TBC1D10B: variants seen among roughly 807,000 people sequenced by gnomAD.
TBC1D10B encodes TBC1 domain family member 10B, also known as Rab27A-GAPbeta.
Under a neutral mutation model 78.4 loss-of-function variants are expected in TBC1D10B, and 25 were observed. The observed-to-expected ratio is 0.32, with a 90% CI of 0.23 to 0.45. The LOEUF is 0.45. TBC1D10B is among the 20% of genes least tolerant of loss of function. TBC1D10B has a pLI of 1.00. For missense variants in TBC1D10B, 996 were observed against 1,104.8 expected, an observed-to-expected ratio of 0.90 and a Z score of 1.40; for synonymous variants, 517 against 478.0, an observed-to-expected ratio of 1.08 and a Z score of -1.06.
chr16:30,360,753 C>T (rs115706551), intron 4 of TBC1D10B, among the ~76,000 whole-genome samples: 3,154 of 152,214 alleles, frequency 0.021, 124 homozygotes, highest in African/African-American at 0.072. Context: ...CTTCCACAAG[C>T]ACCCACACCC....
intron 4 of TBC1D10B, 135 bp from the exon 5 acceptor site, chr16:30,359,976 G>T: frequency 1.2e-6 from 1 of 816,444 alleles, no homozygotes; most frequent in Non-Finnish European, 1.9e-6. Context: ...GCGAGCTTCA[G>T]CTAAAGGCTC....
Position 30,369,371 on chromosome 16 carries a change from G to C in TBC1D10B, c.813C>G (p.Asp271Glu). Reference sequence around the variant, plus strand: ...AGGTCCCAGACATGAGGCTCACGGAGTCCAAGTAACTCAGCGTGTCCGGGG... The same window carrying C: ...AGGTCCCAGACATGAGGCTCACGGACTCCAAGTAACTCAGCGTGTCCGGGG... The part of the protein sequence containing the change: ...GQAPDTLSYL[D>E]SVSLMSGTLE... Residue 271 changes from aspartate (D) to glutamate (E), a missense_variant, in exon 1 of 9, where the codon GAC (aspartate) becomes GAG (glutamate). Physicochemically the swap from Asp to Glu is conservative, Grantham distance 45. This residue lies in a region of TBC1D10B where 448 missense variants were observed against 442.1 expected (regional missense o/e 1.01). Coordinates refer to ENST00000409939, the MANE Select transcript of TBC1D10B (RefSeq NM_015527.4). This position sits in a 1 kb window ranked among gnomAD's most constrained non-coding sequence, Gnocchi z 4.3. 5.0e-6 allele frequency: 8 copies of C among 1,595,826 alleles called. No homozygotes were observed. The highest frequency in any genetic ancestry group is 6.8e-6 in the Non-Finnish European group (8 of 1,171,346).
At position 30,358,713 on chromosome 16, in the gene TBC1D10B, G is replaced by A. The variant is rs1207325797; in HGVS notation, c.1747C>T (p.Leu583=). 2 of 1,610,904 alleles carry A rather than the reference G, an allele frequency of 1.2e-6. No homozygotes were observed. Among genetic ancestry groups the A allele is most frequent in the Admixed American group, 1.7e-5 (1 of 59,622 alleles). ...ATGCACTGCTGGGGCAGGTTACGCAGCTGCTCCATGGTCTCATACATGCCT... is the reference window on the plus strand; with the variant it reads ...ATGCACTGCTGGGGCAGGTTACGCAACTGCTCCATGGTCTCATACATGCCT... ...CQGMYETMEQ[L]RNLPQQCMQE... Residue 583 remains leucine, a synonymous_variant, in exon 8 of 9, where the codon CTG becomes TTG. Transcript: ENST00000409939.
intron 4 of TBC1D10B, among the ~76,000 whole-genome samples, chr16:30,361,852 AT>A (rs747426947): frequency 8.1e-4 from 107 of 132,434 alleles, no homozygotes; most frequent in Admixed American, 8.9e-4. Context: ...CACCAAGCTA[AT>A]TTTTTTTTTT....
In TBC1D10B at chr16:30,365,401, G is replaced by A. The variant is rs2049628810; in HGVS notation, c.1056+94C>T. The A allele has an allele frequency of 2.1e-6, 3 of 1,460,084 alleles. No individual in the cohort carries two copies. The Admixed American group carries it at 5.0e-5, about 24-fold the overall frequency. 90.4% of individuals were successfully genotyped at this position (1,460,084 alleles called of 1,614,324 possible). On this transcript the variant is annotated intron_variant, in intron 2 of 8. Transcript: ENST00000409939. This position sits in a 1 kb window ranked among gnomAD's most constrained non-coding sequence, Gnocchi z 5.0. The stretch of plus-strand genomic sequence containing the variant: ...GCCCATCTATCCCCAGTGTGGTCCA[G>A]AGGGCAGATATTATCGGCTTCCTGG...
In TBC1D10B at chr16:30,365,448, C is replaced by A. The variant is rs1351641206; in HGVS notation, c.1056+47G>T. Reference sequence around the variant, plus strand: ...CTGGGCTTCCCTGGAGCACATGCTACCCCTCCCAACTTGTGCATTGCCCTG... The same window carrying A: ...CTGGGCTTCCCTGGAGCACATGCTAACCCTCCCAACTTGTGCATTGCCCTG... On this transcript the variant is annotated intron_variant, in intron 2 of 8. Transcript: ENST00000409939. This position sits in a 1 kb window ranked among gnomAD's most constrained non-coding sequence, Gnocchi z 5.0. 1.3e-6 allele frequency: 2 copies of A among 1,599,260 alleles called. No homozygotes were observed. Among genetic ancestry groups the A allele is most frequent in the South Asian group, 1.1e-5 (1 of 90,706 alleles).
In TBC1D10B at chr16:30,358,475, G is replaced by C; in HGVS notation, c.1896C>G (p.Pro632=). Residue 632 remains proline, a synonymous_variant, in exon 9 of 9, where the codon CCC becomes CCG. Coordinates refer to ENST00000409939, the MANE Select transcript of TBC1D10B (RefSeq NM_015527.4). The part of the protein sequence containing the change: ...RETRGELQYR[P]SRRLHGSRAI... Reference sequence around the variant, plus strand: ...CCCGGGACCCATGCAGTCGCCGTGAGGGCCGATACTGCAGCTCCCCCCGCG... The same window carrying C: ...CCCGGGACCCATGCAGTCGCCGTGACGGCCGATACTGCAGCTCCCCCCGCG... The C allele has an allele frequency of 6.3e-7, 1 of 1,597,272 alleles. No homozygotes were observed. Among genetic ancestry groups the C allele is most frequent in the Non-Finnish European group, 8.5e-7 (1 of 1,172,298 alleles).
chr16:30,360,823 C>CT (rs1354591726), intron 4 of TBC1D10B, among the ~76,000 whole-genome samples: 1 of 152,104 alleles, frequency 6.6e-6, no homozygotes, highest in Non-Finnish European at 1.5e-5. Context: ...GGTGAAGAGT[C>CT]TGTGATCCTG....
rs146583194 is a variant in TBC1D10B at position 30,358,479 on chromosome 16, C to T, written c.1892G>A (p.Arg631Gln). Reference protein sequence around the residue: ...WRETRGELQYRPSRRLHGSRA... With the variant: ...WRETRGELQYQPSRRLHGSRA... ...GGACCCATGCAGTCGCCGTGAGGGC[C>T]GATACTGCAGCTCCCCCCGCGTTTC... Residue 631 changes from arginine (R) to glutamine (Q), a missense_variant, in exon 9 of 9, where the codon CGG becomes CAG. Physicochemically the swap from Arg to Gln is conservative, Grantham distance 43. Around this residue, in one of 5 missense-constraint regions of TBC1D10B, gnomAD observed 285 missense variants for 252.5 expected, o/e 1.13. Transcript: ENST00000409939. 4.6e-5 allele frequency: 73 copies of T among 1,597,634 alleles called. No homozygotes were observed. Among genetic ancestry groups the T allele is most frequent in the African/African-American group, 4.0e-4 (30 of 74,562 alleles).
Position 30,358,013 on chromosome 16 carries a change from A to G in TBC1D10B, c.2358T>C (p.Asp786=). The G allele has an allele frequency of 6.4e-7, 1 of 1,551,796 alleles. No homozygotes were observed. ...CACCATCATGGGGGCCTGGGGGCCC[A>G]TCTGCCTTTCGACGCAGCGAAAGCT... is the stretch of plus-strand genomic sequence containing the variant. ...GRKLSLRRKA[D]GPPGPHDGGD... The change falls in exon 9 of 9, where the codon GAT becomes GAC. Residue 786 remains aspartate (D), a synonymous_variant. Transcript: ENST00000409939.
At chr16:30,368,144 C>T (rs1319937194) in intron 1 of TBC1D10B, 1 of 152,136 alleles carries the variant, frequency 6.6e-6, no homozygotes, top group Non-Finnish European at 1.5e-5. Flanking sequence ...ATGTTGGTAC[C>T]CAATCAAAGG....
rs569603479 is a variant in TBC1D10B at position 30,369,678 on chromosome 16, G to A, written c.506C>T (p.Pro169Leu). ...RTAPGALTAK[P>L]PLAPKPGTTV... is the part of the protein sequence containing the mutation. ...GGTTCCCGGCTTGGGGGCAAGCGGG[G>A]GTTTGGCGGTCAGGGCACCAGGAGC... The change falls in exon 1 of 9, where the codon CCC becomes CTC. Residue 169 changes from proline to leucine, a missense_variant. Physicochemically the swap from Pro to Leu is moderately conservative, Grantham distance 98. Transcript: ENST00000409939. This position sits in a 1 kb window ranked among gnomAD's most constrained non-coding sequence, Gnocchi z 4.3. 4.2e-5 allele frequency: 65 copies of A among 1,530,758 alleles called. No homozygotes were observed. In the South Asian group the frequency reaches 7.6e-4, roughly 18 times the overall value. The allele number at this position is 1,530,758 out of a possible 1,614,324, so 94.8% of individuals were successfully genotyped here. A position where few individuals can be genotyped will look rare whatever the true frequency, so the allele number is the denominator to read the frequency against.
At chr16:30,358,895 GC>G in intron 7 of TBC1D10B, 78 bp from the exon 8 acceptor site, 3 of 1,476,070 alleles carry the variant, frequency 2.0e-6, no homozygotes, top group Non-Finnish European at 2.7e-6. Context: ...TAGACTCACA[GC>G]CCCCATCCCC....
Position 30,369,127 on chromosome 16 carries a change from C to T in TBC1D10B, c.956+101G>A. 7.9e-7 allele frequency: 1 copy of T among 1,258,044 alleles called. No individual in the cohort carries two copies. Among genetic ancestry groups the T allele is most frequent in the East Asian group, 2.6e-5 (1 of 39,188 alleles). The allele number at this position is 1,258,044 out of a possible 1,614,324, so 77.9% of individuals were successfully genotyped here. A position where few individuals can be genotyped will look rare whatever the true frequency, so the allele number is the denominator to read the frequency against. Reference sequence around the variant, plus strand: ...TCACCCCGTGGATCCTCAGAGGAGGCTGGGCTGCCAGAGTCTGGGCAAAGT... The same window carrying T: ...TCACCCCGTGGATCCTCAGAGGAGGTTGGGCTGCCAGAGTCTGGGCAAAGT... On this transcript the variant is annotated intron_variant, in intron 1 of 8. Transcript: ENST00000409939. The surrounding 1 kb of genome is among the most constrained non-coding windows in gnomAD (Gnocchi z 4.3).
rs774154589 is a variant in TBC1D10B, at chr16:30,359,611, G to T, written c.1387-8C>A. 1.3e-5 allele frequency: 20 copies of T among 1,559,576 alleles called. No homozygotes were observed. In the African/African-American group the frequency reaches 2.5e-4, roughly 19 times the overall value. ...CAGGCACCAAAAGGCTTGCTGAGAA[G>T]AGCAAGAACAAGGAGGAGGGGTGGG... is the stretch of plus-strand genomic sequence containing the variant. On this transcript the variant is annotated splice_polypyrimidine_tract_variant and splice_region_variant and intron_variant, in intron 5 of 8. Transcript: ENST00000409939.
rs1219489791 is a variant in TBC1D10B at position 30,369,702 on chromosome 16, G to A, written c.482C>T (p.Ala161Val). The change falls in exon 1 of 9, where the codon GCT becomes GTT. Residue 161 changes from alanine (A) to valine (V), a missense_variant. By Grantham distance (64) the Ala-to-Val change is moderately conservative. Around this residue, in one of 5 missense-constraint regions of TBC1D10B, gnomAD observed 448 missense variants for 442.1 expected, o/e 1.01. Coordinates refer to ENST00000409939, the MANE Select transcript of TBC1D10B (RefSeq NM_015527.4). This position sits in a 1 kb window ranked among gnomAD's most constrained non-coding sequence, Gnocchi z 4.3. ...GGGTTTGGCGGTCAGGGCACCAGGA[G>A]CCGTTCTGGAAGGGGTCCTGGTAGG... The part of the protein sequence containing the change: ...GTPTRTPSRT[A>V]PGALTAKPPL... 6 of 1,516,022 alleles carry A rather than the reference G, an allele frequency of 4.0e-6. No homozygotes were observed. The highest frequency in any genetic ancestry group is 5.3e-6 in the Non-Finnish European group (6 of 1,129,616). 93.9% of individuals were successfully genotyped at this position (1,516,022 alleles called of 1,614,324 possible). A position where few individuals can be genotyped will look rare whatever the true frequency, so the allele number is the denominator to read the frequency against.
At chr16:30,361,053 G>A (rs1232113286) in intron 4 of TBC1D10B, among the ~76,000 whole-genome samples, 1 of 152,190 alleles carries the variant, frequency 6.6e-6, no homozygotes, top group Non-Finnish European at 1.5e-5. Context: ...GGGAGGCCAA[G>A]GTGGGTGGAT....
intron 4 of TBC1D10B, among the ~76,000 whole-genome samples, chr16:30,364,012 G>T (rs1272935010): frequency 6.6e-6 from 1 of 151,716 alleles, no homozygotes; most frequent in Admixed American, 6.6e-5. Context: ...AGCTACTTGG[G>T]AGACTGAGGC....
chr16:30,357,918 C>G lies in TBC1D10B; in HGVS notation c.*26G>C. 6.5e-7 allele frequency: 1 copy of G among 1,537,802 alleles called. No individual in the cohort carries two copies. Among genetic ancestry groups the G allele is most frequent in the African/African-American group, 1.4e-5 (1 of 72,784 alleles). On this transcript the variant is annotated 3_prime_UTR_variant, in exon 9 of 9. Transcript: ENST00000409939. ...TCTTGGCTGAGGGAAAGAGGGGGGCCATGCAGTCCAGCCCCAGGGCAGAGG... is the reference window on the plus strand; with the variant it reads ...TCTTGGCTGAGGGAAAGAGGGGGGCGATGCAGTCCAGCCCCAGGGCAGAGG...
Sources: gnomAD v4.1 joint callset for allele counts (sites outside exome capture counted in the v4.1 genomes callset) on GRCh38, gnomAD v4.1.1 for gene constraint, gnomAD v4.1.1 regional missense constraint, Gnocchi (gnomAD v3.1) non-coding constraint, MANE v1.5 for transcripts, NCBI Gene and HGNC (gene_info 2026-07-23, HGNC 2026-07-21) for gene names.